The following VWA3B variants were observed in gnomAD, a reference collection of about 807,000 sequenced individuals.
VWA3B encodes von Willebrand factor A domain-containing protein 3B.
In VWA3B, 138 loss-of-function variants were observed where a neutral mutation model predicts 158.3. The ratio of observed to expected loss-of-function variants is 0.87; its 90% CI spans 0.76 to 1.00. VWA3B has a LOEUF of 1.00. Among genes scored for constraint, VWA3B ranks in the 50% least tolerant of loss-of-function variants. The pLI is 0.00. For synonymous variants in VWA3B, 596 were observed against 587.3 expected (o/e 1.01, Z -0.21); for missense variants, 1,555 against 1,565.1 (o/e 0.99, Z 0.11).
intron 21 of VWA3B, among the ~76,000 whole-genome samples, chr2:98,259,796 T>C (rs1177523800): frequency 6.6e-6 from 1 of 151,714 alleles, no homozygotes; most frequent in Non-Finnish European, 1.5e-5. Flanking sequence ...TAGTTTTCCC[T>C]CCTTTTTCTA....
At chr2:98,127,452 G>A (rs1260778046) in intron 5 of VWA3B, among the ~76,000 whole-genome samples, 1 of 152,140 alleles carries the variant, frequency 6.6e-6, no homozygotes, top group Non-Finnish European at 1.5e-5. Flanking sequence ...CAGCAGAGCA[G>A]GAGGGGCGGC....
intron 7 of VWA3B, among the ~76,000 whole-genome samples, chr2:98,155,552 G>T (rs964003375): frequency 6.6e-6 from 1 of 152,184 alleles, no homozygotes; most frequent in Non-Finnish European, 1.5e-5. Context: ...CTGGACTCAG[G>T]CAATTGTTGC....
intron 1 of VWA3B, among the ~76,000 whole-genome samples, chr2:98,092,448 G>A (rs189421853): frequency 6.6e-6 from 1 of 152,126 alleles, no homozygotes; most frequent in Non-Finnish European, 1.5e-5. Flanking sequence ...TTCGAGACCA[G>A]CCTGACCAAC....
At chr2:98,088,827 T>C (rs765974151) in intron 1 of VWA3B, among the ~76,000 whole-genome samples, 1 of 152,102 alleles carries the variant, frequency 6.6e-6, no homozygotes, top group African/African-American at 2.4e-5. Context: ...AATCTTGGCT[T>C]ACTGCAACCT....
At chr2:98,119,331 C>A (rs1674773865) in intron 3 of VWA3B, among the ~76,000 whole-genome samples, 182 bp from the exon 4 acceptor site, 1 of 151,476 alleles carries the variant, frequency 6.6e-6, no homozygotes, top group Non-Finnish European at 1.5e-5. Flanking sequence ...ATCATCTTTT[C>A]TTCTGTGGAG....
At chr2:98,325,110 A>G in the VWA3B span, among the ~76,000 whole-genome samples, 1 of 152,204 alleles carries the variant, frequency 6.6e-6, no homozygotes, top group Admixed American at 6.5e-5. Flanking sequence ...AACGGGGAAA[A>G]ATATTTGGAG....
In VWA3B at chr2:98,119,685, A is replaced by G; in HGVS notation, c.464A>G (p.Glu155Gly). The change falls in exon 4 of 28, where the codon GAG (glutamate) becomes GGG (glycine). Residue 155 changes from glutamate (E) to glycine (G), a missense_variant. By Grantham distance (98) the Glu-to-Gly change is moderately conservative. Coordinates refer to ENST00000477737, the MANE Select transcript of VWA3B (RefSeq NM_144992.5). Reference protein sequence around the residue: ...VLDFGGILEGELDLCREALTM... With the variant: ...VLDFGGILEGGLDLCREALTM... ...GATTTTGGCGGCATTCTGGAGGGGGAGCTTGATCTGTGCCGAGAGGCTCTA... is the reference window on the plus strand; with the variant it reads ...GATTTTGGCGGCATTCTGGAGGGGGGGCTTGATCTGTGCCGAGAGGCTCTA... 6.2e-7 allele frequency: 1 copy of G among 1,613,780 alleles called. No homozygotes were observed. The highest frequency in any genetic ancestry group is 1.1e-5 in the South Asian group (1 of 91,058).
chr2:98,129,709 A>ATG (rs1242854015), intron 6 of VWA3B, among the ~76,000 whole-genome samples: 2 of 151,200 alleles, frequency 1.3e-5, no homozygotes, highest in Non-Finnish European at 3.0e-5. Flanking sequence ...GTGTGTGTGT[A>ATG]TGTGTGTGTG....
intron 22 of VWA3B, among the ~76,000 whole-genome samples, chr2:98,284,467 G>A (rs1689053301): frequency 6.6e-6 from 1 of 152,176 alleles, no homozygotes; most frequent in Non-Finnish European, 1.5e-5. Context: ...AGCAAATGAT[G>A]TGCAGACTGC....
chr2:98,096,911 C>T (rs1203399498), intron 2 of VWA3B, among the ~76,000 whole-genome samples: 1 of 151,818 alleles, frequency 6.6e-6, no homozygotes, highest in Admixed American at 6.6e-5. Context: ...TCTATTTCTG[C>T]TCTGATCGCT....
intron 5 of VWA3B, 71 bp downstream of exon 5, chr2:98,121,529 C>T (rs1290019937): frequency 6.4e-7 from 1 of 1,561,172 alleles, no homozygotes; most frequent in African/African-American, 1.3e-5. Context: ...CACTCAGTGA[C>T]TTTACACGGC....
intron 12 of VWA3B, among the ~76,000 whole-genome samples, chr2:98,209,752 C>T (rs543776637): frequency 6.6e-6 from 1 of 152,132 alleles, no homozygotes; most frequent in Non-Finnish European, 1.5e-5. Flanking sequence ...TTTTCTCATT[C>T]GAATGTGATA....
At chr2:98,295,396 T>G (rs760811731) in intron 23 of VWA3B, among the ~76,000 whole-genome samples, 1 of 152,228 alleles carries the variant, frequency 6.6e-6, no homozygotes, top group East Asian at 1.9e-4. Context: ...TGACTTCCAC[T>G]GTTTACTCAG....
At chr2:98,320,793 GC>G in the VWA3B span, among the ~76,000 whole-genome samples, 2 of 152,228 alleles carry the variant, frequency 1.3e-5, no homozygotes, top group Non-Finnish European at 1.5e-5. Context: ...AAAATTTGCA[GC>G]CCAATGATGC....
chr2:98,190,522 G>A (rs967674989), intron 10 of VWA3B, among the ~76,000 whole-genome samples: 1 of 152,078 alleles, frequency 6.6e-6, no homozygotes, highest in African/African-American at 2.4e-5. Context: ...ACCTGAAGAA[G>A]TTTCATTCAT....
chr2:98,128,959 G>T (rs1254814598), intron 6 of VWA3B, among the ~76,000 whole-genome samples: 4 of 152,250 alleles, frequency 2.6e-5, no homozygotes, highest in African/African-American at 4.8e-5. Flanking sequence ...GTGCTTCCCT[G>T]TGTGGCCTGC....
chr2:98,121,239 G>A, intron 4 of VWA3B, 60 bp from the exon 5 acceptor site: 1 of 1,565,310 alleles, frequency 6.4e-7, no homozygotes. Context: ...TGAGACGGAG[G>A]TTTGGCATCC....
intron 11 of VWA3B, among the ~76,000 whole-genome samples, chr2:98,193,385 A>G (rs1327912627): frequency 6.6e-6 from 1 of 152,098 alleles, no homozygotes; most frequent in Non-Finnish European, 1.5e-5. Context: ...ACCCTGGTGC[A>G]TGGGAGGCGT....
chr2:98,178,233 G>A (rs1680176151), intron 8 of VWA3B, among the ~76,000 whole-genome samples: 1 of 152,108 alleles, frequency 6.6e-6, no homozygotes, highest in African/African-American at 2.4e-5. Context: ...AATGTTTTGT[G>A]ATTCATGGAA....
Sources: allele counts gnomAD v4.1 joint callset (sites outside exome capture counted in the v4.1 genomes callset), GRCh38; gene constraint gnomAD v4.1.1; transcripts MANE v1.5; gene names NCBI Gene and HGNC (gene_info 2026-07-23, HGNC 2026-07-21).